FOXN3: variants seen among roughly 807,000 people sequenced by gnomAD.
FOXN3 encodes forkhead box protein N3.
In FOXN3, 7 loss-of-function variants were observed where a neutral mutation model predicts 38.4. That is an observed-to-expected ratio of 0.18 (90% CI 0.10 to 0.34). FOXN3 has a LOEUF of 0.34. Ranked by LOEUF, FOXN3 falls within the 10% of genes least tolerant of loss-of-function variation. The pLI, the probability that FOXN3 is intolerant of heterozygous loss-of-function variation, is 1.00. For missense variants in FOXN3, 456 were observed against 613.4 expected, an observed-to-expected ratio of 0.74 and a Z score of 2.71; for synonymous variants, 230 against 242.2, an observed-to-expected ratio of 0.95 and a Z score of 0.47.
chr14:89,492,240 G>A (rs567586732), intron 1 of FOXN3, among the ~76,000 whole-genome samples: 2 of 152,172 alleles, frequency 1.3e-5, no homozygotes, highest in Non-Finnish European at 2.9e-5. Flanking sequence ...AGCCTGGGGG[G>A]GCCAAGCACA....
At chr14:89,488,410 C>T (rs2139770460) in intron 1 of FOXN3, among the ~76,000 whole-genome samples, 1 of 151,966 alleles carries the variant, frequency 6.6e-6, no homozygotes, top group African/African-American at 2.4e-5. Flanking sequence ...CTTTGGGAGG[C>T]CGAGGTGGGC....
At chr14:89,389,984 C>T (rs181869719) in intron 2 of FOXN3, among the ~76,000 whole-genome samples, 12 of 152,118 alleles carry the variant, frequency 7.9e-5, no homozygotes, top group Non-Finnish European at 1.3e-4. Flanking sequence ...CTTTGGGAGG[C>T]CGAGGTGGGC....
rs1347773677 is a variant in FOXN3, at chr14:89,398,156, G to C, written c.543+13778C>G. The stretch of plus-strand genomic sequence containing the variant: ...CCCAATCCCCTGGCAACTGGCAGAA[G>C]CCACTCTGTAGCCTTCCTGGTCTCT... On this transcript the variant is annotated intron_variant, in intron 2 of 5. Transcript: ENST00000557258. Among the ~76,000 whole-genome samples the C allele has an allele frequency of 1.3e-5, 2 of 152,208 alleles. 1 individual carries two copies. Among genetic ancestry groups the C allele is most frequent in the Non-Finnish European group, 2.9e-5 (2 of 68,038 alleles).
At chr14:89,498,559 A>G (rs1371334729) in intron 1 of FOXN3, among the ~76,000 whole-genome samples, 1 of 152,186 alleles carries the variant, frequency 6.6e-6, no homozygotes, top group African/African-American at 2.4e-5. Context: ...TATATGCACT[A>G]GATAACTGAA....
At chr14:89,255,888 T>C (rs1885603954) in intron 4 of FOXN3, among the ~76,000 whole-genome samples, 1 of 152,124 alleles carries the variant, frequency 6.6e-6, no homozygotes, top group Non-Finnish European at 1.5e-5. Context: ...GACCCTGCCA[T>C]TACCCTTCTA....
intron 2 of FOXN3, among the ~76,000 whole-genome samples, chr14:89,399,714 TGCGA>T (rs1452996692): frequency 6.6e-6 from 1 of 152,210 alleles, no homozygotes; most frequent in African/African-American, 2.4e-5. Flanking sequence ...GGGGAGGGGC[TGCGA>T]TCTCTTTTAA....
At chr14:89,267,816 CG>C (rs1461309306) in intron 4 of FOXN3, among the ~76,000 whole-genome samples, 5 of 151,532 alleles carry the variant, frequency 3.3e-5, no homozygotes, top group Non-Finnish European at 5.9e-5. Flanking sequence ...TGCGTGTTGG[CG>C]GTGGGGGCCG....
At chr14:89,472,054 G>A (rs1893105239) in intron 1 of FOXN3, among the ~76,000 whole-genome samples, 1 of 152,058 alleles carries the variant, frequency 6.6e-6, no homozygotes, top group African/African-American at 2.4e-5. Context: ...TCAAGAGTTC[G>A]AGACCAGCCT....
intron 1 of FOXN3, among the ~76,000 whole-genome samples, chr14:89,491,964 G>A (rs968513889): frequency 8.5e-5 from 13 of 152,218 alleles, no homozygotes; most frequent in Admixed American, 2.6e-4. Context: ...TAGCATAGAC[G>A]GGTGTTTTGT....
intron 1 of FOXN3, among the ~76,000 whole-genome samples, chr14:89,575,415 T>G (rs2139901073): frequency 6.6e-6 from 1 of 151,836 alleles, no homozygotes; most frequent in South Asian, 2.1e-4. Context: ...GGAGAAGGGA[T>G]AAACACTATA....
intron 1 of FOXN3, among the ~76,000 whole-genome samples, chr14:89,436,111 G>A (rs1223350252): frequency 6.6e-6 from 1 of 151,266 alleles, no homozygotes; most frequent in Non-Finnish European, 1.5e-5. Flanking sequence ...AAAATGCTGA[G>A]ATCACAGGAG....
intron 1 of FOXN3, among the ~76,000 whole-genome samples, chr14:89,615,442 C>A (rs768288718): frequency 4.6e-5 from 7 of 152,132 alleles, no homozygotes; most frequent in Non-Finnish European, 1.0e-4. Flanking sequence ...GATCAATTTT[C>A]CTAATTCCAA....
intron 1 of FOXN3, among the ~76,000 whole-genome samples, chr14:89,467,498 C>T (rs562541367): frequency 1.5e-4 from 22 of 151,546 alleles, no homozygotes; most frequent in South Asian, 2.1e-4. Flanking sequence ...ACCTAATCCC[C>T]GACATAAACG....
At chr14:89,219,185 G>A (rs866363002) in intron 4 of FOXN3, among the ~76,000 whole-genome samples, 1 of 152,070 alleles carries the variant, frequency 6.6e-6, no homozygotes, top group Non-Finnish European at 1.5e-5. Flanking sequence ...CTGGATCATG[G>A]GGGTGGATGT....
At chr14:89,432,183 GT>G (rs1156449204) in intron 1 of FOXN3, among the ~76,000 whole-genome samples, 1 of 152,186 alleles carries the variant, frequency 6.6e-6, no homozygotes, top group Non-Finnish European at 1.5e-5. Flanking sequence ...GGAAATATTG[GT>G]TTGAAACTAA....
chr14:89,465,147 C>T (rs998987207), intron 1 of FOXN3, among the ~76,000 whole-genome samples: 16 of 152,178 alleles, frequency 1.1e-4, no homozygotes, highest in Non-Finnish European at 1.9e-4. Flanking sequence ...TTTCCTGAGG[C>T]CTCCCCAGCC....
At chr14:89,451,517 T>C (rs540118034) in intron 1 of FOXN3, among the ~76,000 whole-genome samples, 11 of 152,302 alleles carry the variant, frequency 7.2e-5, no homozygotes, top group African/African-American at 2.2e-4. Context: ...TTTAGATTGA[T>C]ATAATTTCAG....
chr14:89,344,019 C>G (rs1293983105), intron 3 of FOXN3, among the ~76,000 whole-genome samples: 1 of 152,150 alleles, frequency 6.6e-6, no homozygotes, highest in Non-Finnish European at 1.5e-5. Context: ...ACCTTGGCCT[C>G]CCAAAGTGCT....
intron 4 of FOXN3, among the ~76,000 whole-genome samples, chr14:89,279,273 G>A (rs1566945267): frequency 6.6e-6 from 1 of 152,144 alleles, no homozygotes; most frequent in Non-Finnish European, 1.5e-5. Context: ...GGGGGAATTT[G>A]TAACCCTATC....
Sources: allele counts gnomAD v4.1 joint callset (sites outside exome capture counted in the v4.1 genomes callset), GRCh38; gene constraint gnomAD v4.1.1; transcripts MANE v1.5; gene names NCBI Gene and HGNC (gene_info 2026-07-23, HGNC 2026-07-21).